Variants in ADD3 observed in about 807,000 individuals in gnomAD.
ADD3 encodes adducin 3, also known as gamma-adducin.
ADD3 carries 25 observed loss-of-function variants against 80.2 expected under a neutral mutation model. The ratio of observed to expected loss-of-function variants is 0.31; its 90% CI spans 0.23 to 0.44. The LOEUF is 0.44. Among genes scored for constraint, ADD3 ranks in the 20% least tolerant of loss-of-function variants. The pLI is 1.00. For synonymous variants in ADD3, 284 were observed against 289.6 expected, an observed-to-expected ratio of 0.98 and a Z score of 0.20; for missense variants, 829 against 847.5, an observed-to-expected ratio of 0.98 and a Z score of 0.27.
chr10:110,001,330 G>A (rs190901629), upstream of ADD3, among the ~76,000 whole-genome samples: 16 of 151,436 alleles, frequency 1.1e-4, no homozygotes, highest in Admixed American at 8.6e-4. Flanking sequence ...TGGGAGGATC[G>A]CTTGAGCCCG....
At position 110,130,351 on chromosome 10, in the gene ADD3, T is replaced by A; in HGVS notation, c.1609-12T>A. On this transcript the variant is annotated splice_polypyrimidine_tract_variant and intron_variant, in intron 12 of 14. Coordinates refer to ENST00000356080, the MANE Select transcript of ADD3 (RefSeq NM_016824.5). The stretch of plus-strand genomic sequence containing the variant: ...CTTGGTAATGAATCGATTTTTATTT[T>A]TTCTTTGTAAGACTATGCAATTTGA... 1 of 1,613,004 alleles carries A rather than the reference T, an allele frequency of 6.2e-7. No homozygotes were observed.
chr10:110,014,181 C>T (rs1408071019), intron 1 of ADD3, among the ~76,000 whole-genome samples: 1 of 152,194 alleles, frequency 6.6e-6, no homozygotes, highest in Non-Finnish European at 1.5e-5. Flanking sequence ...TCTAAGAACA[C>T]TCCACTTTTA....
chr10:110,087,182 C>T (rs575600949), intron 1 of ADD3, among the ~76,000 whole-genome samples: 1 of 152,080 alleles, frequency 6.6e-6, no homozygotes, highest in Non-Finnish European at 1.5e-5. Flanking sequence ...GCGCCCACCA[C>T]CACGCCCAGC....
chr10:110,093,794 G>A (rs992542848), intron 1 of ADD3, among the ~76,000 whole-genome samples: 8 of 152,010 alleles, frequency 5.3e-5, no homozygotes, highest in Admixed American at 4.6e-4. Flanking sequence ...AAGTACTGAT[G>A]GCAAAGATAC....
At chr10:110,013,364 A>C (rs906539796) in intron 1 of ADD3, among the ~76,000 whole-genome samples, 2 of 152,110 alleles carry the variant, frequency 1.3e-5, no homozygotes, top group Non-Finnish European at 2.9e-5. Context: ...CGGCTACCCA[A>C]AGTGCTGGGG....
chr10:110,026,842 G>C (rs1854373839), intron 1 of ADD3, among the ~76,000 whole-genome samples: 2 of 151,372 alleles, frequency 1.3e-5, no homozygotes, highest in African/African-American at 4.9e-5. Flanking sequence ...TAATATGTCA[G>C]TTAAGCAGAA....
chr10:110,029,613 A>G (rs1025425810), intron 1 of ADD3, among the ~76,000 whole-genome samples: 1 of 152,222 alleles, frequency 6.6e-6, no homozygotes, highest in African/African-American at 2.4e-5. Flanking sequence ...CTTTAAGCTC[A>G]CCAATGTGTA....
At chr10:110,087,182 C>G (rs575600949) in intron 1 of ADD3, among the ~76,000 whole-genome samples, 1 of 152,198 alleles carries the variant, frequency 6.6e-6, no homozygotes, top group East Asian at 1.9e-4. Flanking sequence ...GCGCCCACCA[C>G]CACGCCCAGC....
In ADD3 at chr10:110,121,995, G is replaced by A. The variant is rs573482756; in HGVS notation, c.961-115G>A. The A allele has an allele frequency of 1.8e-5, 15 of 818,908 alleles. No individual in the cohort carries two copies. The African/African-American group carries it at 1.9e-4, about 10-fold the overall frequency. The allele number at this position is 818,908 out of a possible 1,614,324, so 50.7% of individuals were successfully genotyped here. A position where few individuals can be genotyped will look rare whatever the true frequency, so the allele number is the denominator to read the frequency against. ...TGTCATCTTGTCTTTGTTGTTAGTA[G>A]CCTGAGCAAGTATTATAGATATTTG... On this transcript the variant is annotated intron_variant, in intron 8 of 14. Coordinates refer to ENST00000356080, the MANE Select transcript of ADD3 (RefSeq NM_016824.5).
At chr10:110,052,402 A>G (rs1347972624) in intron 1 of ADD3, among the ~76,000 whole-genome samples, 2 of 152,154 alleles carry the variant, frequency 1.3e-5, no homozygotes, top group Admixed American at 6.6e-5. Flanking sequence ...CCTGAGCTCC[A>G]CTTCCTATCA....
chr10:110,109,556 AATG>A (rs1849758921), intron 2 of ADD3, among the ~76,000 whole-genome samples: 1 of 152,228 alleles, frequency 6.6e-6, no homozygotes, highest in Non-Finnish European at 1.5e-5. Context: ...TAATATATGT[AATG>A]AGTGATACAC....
At chr10:110,117,561 T>C in intron 5 of ADD3, 139 bp downstream of exon 5, 1 of 590,022 alleles carries the variant, frequency 1.7e-6, no homozygotes, top group Non-Finnish European at 3.0e-6. Flanking sequence ...GAATTTGAAC[T>C]ATGTTGTTTT....
At chr10:110,110,182 C>G (rs1009849668) in intron 2 of ADD3, among the ~76,000 whole-genome samples, 4 of 152,182 alleles carry the variant, frequency 2.6e-5, no homozygotes, top group Non-Finnish European at 4.4e-5. Context: ...GCCTTATTAG[C>G]AGAAAGTACA....
chr10:110,108,954 A>G (rs1364324387), intron 2 of ADD3, among the ~76,000 whole-genome samples: 2 of 152,160 alleles, frequency 1.3e-5, no homozygotes, highest in Admixed American at 1.3e-4. Context: ...TCTTACTCTT[A>G]ATTTGATTTC....
Position 110,087,701 on chromosome 10 carries a change from T to G in ADD3, c.-29-12924T>G, listed in dbSNP as rs1338063816. ...GTTATTTCTGAAGAGCTGACATTGA[T>G]TCTGCAAAGGTGTGCTATCTATTCA... On this transcript the variant is annotated intron_variant, in intron 1 of 14. Coordinates refer to ENST00000356080, the MANE Select transcript of ADD3 (RefSeq NM_016824.5). Among the ~76,000 whole-genome samples, 4 of 152,222 alleles carry G rather than the reference T, an allele frequency of 2.6e-5. No individual in the cohort carries two copies. In the East Asian group the frequency reaches 5.8e-4, roughly 22 times the overall value.
intron 1 of ADD3, among the ~76,000 whole-genome samples, chr10:110,061,807 C>G (rs1050570010): frequency 1.3e-5 from 2 of 152,142 alleles, no homozygotes; most frequent in African/African-American, 4.8e-5. Flanking sequence ...CTCATTTTCA[C>G]TTGAGCAAAG....
At chr10:110,100,387 C>T (rs936245491) in intron 1 of ADD3, among the ~76,000 whole-genome samples, 1 of 146,960 alleles carries the variant, frequency 6.8e-6, no homozygotes, top group African/African-American at 2.5e-5. Flanking sequence ...ATGACATTAA[C>T]GTAATTTAAT....
At chr10:110,099,679 A>G (rs1000408434) in intron 1 of ADD3, among the ~76,000 whole-genome samples, 16 of 152,220 alleles carry the variant, frequency 1.1e-4, no homozygotes, top group Non-Finnish European at 1.9e-4. Context: ...TCTTGAACCT[A>G]ATGTTTTTTA....
At chr10:110,017,156 AT>A (rs1853104728) in intron 1 of ADD3, among the ~76,000 whole-genome samples, 1 of 152,248 alleles carries the variant, frequency 6.6e-6, no homozygotes, top group Non-Finnish European at 1.5e-5. Flanking sequence ...GTCAGGGCTA[AT>A]ACCCTTAAGC....
Sources: allele counts gnomAD v4.1 joint callset (sites outside exome capture counted in the v4.1 genomes callset), GRCh38; gene constraint gnomAD v4.1.1; transcripts MANE v1.5; gene names NCBI Gene and HGNC (gene_info 2026-07-23, HGNC 2026-07-21).